The following C6orf132 variants were observed in gnomAD, a reference collection of about 807,000 sequenced individuals.
C6orf132 encodes the protein uncharacterized protein C6orf132.
C6orf132 carries 43 observed loss-of-function variants against 65.3 expected under a neutral mutation model. The ratio of observed to expected loss-of-function variants is 0.66; its 90% CI spans 0.52 to 0.85. C6orf132 has a LOEUF of 0.85. C6orf132 is among the 40% of genes least tolerant of loss of function. The pLI is 0.00. For synonymous variants in C6orf132, 631 were observed against 654.1 expected (o/e 0.96, Z 0.54); for missense variants, 1,488 against 1,548.8 (o/e 0.96, Z 0.66).
chr6:42,128,589 A>T (rs1404748860), intron 2 of C6orf132, 83 bp downstream of exon 2: 1 of 1,025,266 alleles, frequency 9.8e-7, no homozygotes, highest in Non-Finnish European at 1.5e-6. Flanking sequence ...CAGAGGGTGC[A>T]GCTGATGTCC....
At position 42,128,708 on chromosome 6, in the gene C6orf132, C is replaced by G; in HGVS notation, c.216G>C (p.Arg72=). The G allele has an allele frequency of 6.4e-7, 1 of 1,551,482 alleles. No individual in the cohort carries two copies. Among genetic ancestry groups the G allele is most frequent in the Non-Finnish European group, 8.7e-7 (1 of 1,146,960 alleles). ...AGGTCAGCAGGGGCCGGACTCTTGGCCGAGCTTTCAGCGTGGCTGTTCCTG... is the reference window on the plus strand; with the variant it reads ...AGGTCAGCAGGGGCCGGACTCTTGGGCGAGCTTTCAGCGTGGCTGTTCCTG... ...SESGTATLKA[R]PRVRPLLTFL... The change falls in exon 2 of 5, where the codon CGG becomes CGC. Residue 72 remains arginine (R), a synonymous_variant. Coordinates refer to ENST00000341865, the MANE Select transcript of C6orf132 (RefSeq NM_001164446.3).
chr6:42,106,083 A>G lies in C6orf132; in HGVS notation c.1829T>C (p.Leu610Pro). The G allele has an allele frequency of 6.5e-7, 1 of 1,537,004 alleles. No individual in the cohort carries two copies. ...CAGATTCTTGGCCACAGGCTTGGAG[A>G]GTTTGTCATCATCAGCCCCGTTTTC... ...ICENGADDDK[L>P]SKPVAKNLPP... The change falls in exon 4 of 5, where the codon CTC (leucine) becomes CCC (proline). Residue 610 changes from leucine (L) to proline (P), a missense_variant. Leu to Pro is a moderately conservative substitution (Grantham distance 98). Coordinates refer to ENST00000341865, the MANE Select transcript of C6orf132 (RefSeq NM_001164446.3).
intron 2 of C6orf132, among the ~76,000 whole-genome samples, chr6:42,123,583 A>AAAG (rs373447285): frequency 6.6e-6 from 1 of 151,138 alleles, no homozygotes; most frequent in Admixed American, 6.6e-5. Flanking sequence ...AAGAAAGAAG[A>AAAG]AAGAAGAAGA....
At position 42,124,474 on chromosome 6, in the gene C6orf132, G is replaced by A. The variant is rs962877314; in HGVS notation, c.252+4198C>T. ...CTGGAGAGAGCTCACAGGCCCTCGA[G>A]GGGCCTGTCACCTGACTTCTTGGGC... On this transcript the variant is annotated intron_variant, in intron 2 of 4. Coordinates refer to ENST00000341865, the MANE Select transcript of C6orf132 (RefSeq NM_001164446.3). This position sits in a 1 kb window ranked among gnomAD's most constrained non-coding sequence, Gnocchi z 4.0. 6.6e-6 allele frequency among the ~76,000 whole-genome samples: 1 copy of A among 152,180 alleles called. No individual in the cohort carries two copies. The highest frequency in any genetic ancestry group is 2.4e-5 in the African/African-American group (1 of 41,442).
chr6:42,104,791 C>T lies in C6orf132; in HGVS notation c.3121G>A (p.Ala1041Thr). Residue 1041 changes from alanine to threonine, a missense_variant, in exon 4 of 5, where the codon GCG (alanine) becomes ACG (threonine). Coordinates refer to ENST00000341865, the MANE Select transcript of C6orf132 (RefSeq NM_001164446.3). The surrounding 1 kb of genome is among the most constrained non-coding windows in gnomAD (Gnocchi z 4.1). ...PPALGFSRFP[A>T]GARYAGAGGL... ...CCAGCCCCGGCGTAGCGCGCGCCCG[C>T]GGGAAAGCGCGAGAAGCCGAGAGCC... is the stretch of plus-strand genomic sequence containing the variant. 1 of 1,496,638 alleles carries T rather than the reference C, an allele frequency of 6.7e-7. No homozygotes were observed. Among genetic ancestry groups the T allele is most frequent in the Non-Finnish European group, 8.8e-7 (1 of 1,130,138 alleles). The allele number at this position is 1,496,638 out of a possible 1,614,324, so 92.7% of individuals were successfully genotyped here.
chr6:42,130,357 A>G (rs4714570), intron 1 of C6orf132, among the ~76,000 whole-genome samples: 81,125 of 152,090 alleles, frequency 0.53, 22,224 homozygotes, highest in East Asian at 0.65. Flanking sequence ...GGAAACAACA[A>G]AAGTAGCTCA....
chr6:42,141,843 G>A (rs1582289325), intron 1 of C6orf132, among the ~76,000 whole-genome samples: 1 of 152,174 alleles, frequency 6.6e-6, no homozygotes, highest in East Asian at 1.9e-4. Context: ...GAAACAGGGA[G>A]TGCAAAGGGT....
At chr6:42,132,025 C>A (rs1240227404) in intron 1 of C6orf132, among the ~76,000 whole-genome samples, 1 of 152,032 alleles carries the variant, frequency 6.6e-6, no homozygotes, top group Non-Finnish European at 1.5e-5. Context: ...GCTCAGCTGC[C>A]ATGGCTGGCT....
At chr6:42,108,991 A>C (rs1766456163) in intron 3 of C6orf132, among the ~76,000 whole-genome samples, 1 of 152,130 alleles carries the variant, frequency 6.6e-6, no homozygotes, top group Non-Finnish European at 1.5e-5. Context: ...AACCAACAAA[A>C]CAAAAAACAG....
chr6:42,119,275 A>G (rs576789299), intron 2 of C6orf132, among the ~76,000 whole-genome samples: 6,593 of 128,048 alleles, frequency 0.051, 338 homozygotes, highest in Non-Finnish European at 0.078. Flanking sequence ...AAAAAAAAAA[A>G]GGGAGAATTC....
At chr6:42,136,822 G>T (rs1766950442) in intron 1 of C6orf132, among the ~76,000 whole-genome samples, 1 of 152,182 alleles carries the variant, frequency 6.6e-6, no homozygotes, top group Non-Finnish European at 1.5e-5. Flanking sequence ...TGGAGTGGAG[G>T]GGAGGAGGGG....
chr6:42,141,084 C>T (rs181953664), intron 1 of C6orf132, among the ~76,000 whole-genome samples: 1 of 152,308 alleles, frequency 6.6e-6, no homozygotes, highest in Non-Finnish European at 1.5e-5. Context: ...AGCAAAGGCT[C>T]AGAAAGGGCT....
At chr6:42,133,442 C>A (rs1399879397) in intron 1 of C6orf132, among the ~76,000 whole-genome samples, 1 of 152,182 alleles carries the variant, frequency 6.6e-6, no homozygotes, top group African/African-American at 2.4e-5. Flanking sequence ...ACAGAGGCAG[C>A]ATTGGAACAT....
chr6:42,103,638 A>T lies in C6orf132; in HGVS notation c.*123T>A. 2.1e-6 allele frequency: 1 copy of T among 487,190 alleles called. No homozygotes were observed. Among genetic ancestry groups the T allele is most frequent in the Non-Finnish European group, 3.3e-6 (1 of 299,614 alleles). 30.2% of individuals were successfully genotyped at this position (487,190 alleles called of 1,614,324 possible). ...CATCGTTGGTCTTTGGGGATCAAAG[A>T]CTCCTCTGTGTCTGAGTCAGGTCGC... On this transcript the variant is annotated 3_prime_UTR_variant, in exon 5 of 5. Transcript: ENST00000341865.
chr6:42,121,766 A>C (rs1316513782), intron 2 of C6orf132, among the ~76,000 whole-genome samples: 1 of 152,212 alleles, frequency 6.6e-6, no homozygotes, highest in Non-Finnish European at 1.5e-5. Context: ...GTGGAGTTGC[A>C]GAGTGGGAGG....
intron 1 of C6orf132, among the ~76,000 whole-genome samples, chr6:42,139,168 G>A (rs775672321): frequency 1.7e-4 from 26 of 151,982 alleles, no homozygotes; most frequent in Admixed American, 6.6e-4. Flanking sequence ...CCATTCCACC[G>A]CCTGTTCTCT....
intron 1 of C6orf132, among the ~76,000 whole-genome samples, chr6:42,132,530 G>GT (rs1766870290): frequency 6.8e-6 from 1 of 146,848 alleles, no homozygotes; most frequent in Non-Finnish European, 1.5e-5. Flanking sequence ...ATAATAAGAA[G>GT]AAGAAGAAGA....
chr6:42,105,405 C>A lies in C6orf132; in HGVS notation c.2507G>T (p.Gly836Val). 1 of 1,535,526 alleles carries A rather than the reference C, an allele frequency of 6.5e-7. No homozygotes were observed. Among genetic ancestry groups the A allele is most frequent in the African/African-American group, 1.4e-5 (1 of 73,126 alleles). The change falls in exon 4 of 5, where the codon GGC becomes GTC. Residue 836 changes from glycine (G) to valine (V), a missense_variant. Gly to Val is a moderately radical substitution (Grantham distance 109, BLOSUM62 -3). Transcript: ENST00000341865. ...CGCCAGGAGCAGGGCCATCGGCGAG[C>A]CCCGCTCCACCACCTCCCCAGTCAC... Reference protein sequence around the residue: ...HPVTGEVVERGSPMALLLAAR... With the variant: ...HPVTGEVVERVSPMALLLAAR...
In C6orf132 at chr6:42,106,046, GGA is replaced by G; in HGVS notation, c.1864_1865del (p.Ser622HisfsTer26). The G allele has an allele frequency of 6.5e-7, 1 of 1,537,246 alleles. No individual in the cohort carries two copies. Among genetic ancestry groups the G allele is most frequent in the Non-Finnish European group, 8.7e-7 (1 of 1,146,892 alleles). Reference protein sequence around the residue: ...KPVAKNLPPQSTTLLPTTSLQ... With the variant: ...KPVAKNLPPQXTTLLPTTSLQ... Reference sequence around the variant, plus strand: ...GTGATGTAGTTGGCAGCAGGGTGGTGGATTGAGGTGGCAGATTCTTGGCCACA... The same window carrying G: ...GTGATGTAGTTGGCAGCAGGGTGGTGTTGAGGTGGCAGATTCTTGGCCACA... On this transcript the variant is annotated frameshift_variant, in exon 4 of 5. Transcript: ENST00000341865. LOFTEE classifies it high-confidence loss of function.
Sources: allele counts gnomAD v4.1 joint callset (sites outside exome capture counted in the v4.1 genomes callset), GRCh38; gene constraint gnomAD v4.1.1; non-coding constraint Gnocchi (gnomAD v3.1); transcripts MANE v1.5; gene names NCBI Gene and HGNC (gene_info 2026-07-23, HGNC 2026-07-21).